The following C6orf89 variants were observed in gnomAD, a reference collection of about 807,000 sequenced individuals.
C6orf89 encodes bombesin receptor-activated protein C6orf89.
Under a neutral mutation model 40.7 loss-of-function variants are expected in C6orf89, and 29 were observed. The observed-to-expected ratio is 0.71, with a 90% CI of 0.53 to 0.97. The LOEUF is 0.97. Ranked by LOEUF, C6orf89 falls within the 50% of genes least tolerant of loss-of-function variation. C6orf89 has a pLI of 0.00. For missense variants in C6orf89, 392 were observed against 429.1 expected, an observed-to-expected ratio of 0.91 and a Z score of 0.76; for synonymous variants, 165 against 152.2, an observed-to-expected ratio of 1.08 and a Z score of -0.62.
At chr6:36,904,104 C>T (rs567757912) in intron 4 of C6orf89, among the ~76,000 whole-genome samples, 1 of 152,322 alleles carries the variant, frequency 6.6e-6, no homozygotes, top group South Asian at 2.1e-4. Flanking sequence ...CCCCTCAAAG[C>T]CTCCCTAACG....
intron 8 of C6orf89, among the ~76,000 whole-genome samples, chr6:36,921,693 A>G (rs981839971): frequency 6.7e-6 from 1 of 150,366 alleles, no homozygotes; most frequent in Admixed American, 6.6e-5. Context: ...AACACTTAAC[A>G]TGAGATCTAC....
chr6:36,923,662 C>T lies in C6orf89; in HGVS notation c.*221C>T. 1.8e-6 allele frequency: 1 copy of T among 567,818 alleles called. No homozygotes were observed. Among genetic ancestry groups the T allele is most frequent in the Non-Finnish European group, 3.3e-6 (1 of 300,804 alleles). The allele number at this position is 567,818 out of a possible 1,614,324, so 35.2% of individuals were successfully genotyped here. A position where few individuals can be genotyped will look rare whatever the true frequency, so the allele number is the denominator to read the frequency against. On this transcript the variant is annotated 3_prime_UTR_variant, in exon 9 of 9. Transcript: ENST00000480824. ...GCTCAGGAAGGATTCAGCCTGGCCACTTGGCTAGGACTCTGCCAGCACCCA... is the reference window on the plus strand; with the variant it reads ...GCTCAGGAAGGATTCAGCCTGGCCATTTGGCTAGGACTCTGCCAGCACCCA...
intron 8 of C6orf89, 43 bp from the exon 9 acceptor site, chr6:36,923,304 C>T (rs893887108): frequency 6.6e-7 from 1 of 1,515,088 alleles, no homozygotes; most frequent in Non-Finnish European, 9.1e-7. Context: ...GTGTGCCCAC[C>T]CTCTGACATT....
rs1774598930 is a variant in C6orf89 at position 36,874,631 on chromosome 6, G to A, written c.-628+2664G>A. 14 of 1,547,078 alleles carry A rather than the reference G, an allele frequency of 9.0e-6. No individual in the cohort carries two copies. The Middle Eastern group carries it at 6.9e-4, about 76-fold the overall frequency. On this transcript the variant is annotated intron_variant, in intron 1 of 9. Transcript: ENST00000359359. The stretch of plus-strand genomic sequence containing the variant: ...CCCTCCACGTGGAGGCCGGCCTCCC[G>A]GAGGAACGCGCCAGGAACGCAGACC...
At chr6:36,874,585 G>C (rs1317491106) in intron 1 of C6orf89, 7 of 1,257,362 alleles carry the variant, frequency 5.6e-6, no homozygotes, top group Non-Finnish European at 7.9e-6. Context: ...TCTGGGGGCC[G>C]TCTCGGCCGC....
At chr6:36,906,728 C>G (rs1212447183) in intron 4 of C6orf89, among the ~76,000 whole-genome samples, 1 of 152,118 alleles carries the variant, frequency 6.6e-6, no homozygotes, top group Non-Finnish European at 1.5e-5. Context: ...TGGCAGAAGC[C>G]TCCTTCATTG....
intron 2 of C6orf89, among the ~76,000 whole-genome samples, chr6:36,880,641 A>G (rs1174271813): frequency 6.6e-6 from 1 of 152,254 alleles, no homozygotes; most frequent in East Asian, 1.9e-4. Context: ...TAGCTTTGCT[A>G]TATGCTTCAA....
intron 8 of C6orf89, among the ~76,000 whole-genome samples, chr6:36,922,513 C>CCCA (rs965886949): frequency 1.7e-4 from 26 of 152,116 alleles, no homozygotes; most frequent in African/African-American, 6.3e-4. Context: ...TACTCATGAC[C>CCCA]CCACAGGTGG....
upstream of C6orf89, among the ~76,000 whole-genome samples, chr6:36,882,541 T>C (rs563161843): frequency 5.1e-4 from 77 of 152,322 alleles, no homozygotes; most frequent in African/African-American, 1.8e-3. Context: ...CTGGAAAAGA[T>C]AAAATAATCC....
chr6:36,886,985 C>T (rs1775016633), intron 1 of C6orf89, among the ~76,000 whole-genome samples: 1 of 152,240 alleles, frequency 6.6e-6, no homozygotes, highest in Non-Finnish European at 1.5e-5. Context: ...TGGACTGAGG[C>T]ATTTTTCAAG....
At chr6:36,916,184 A>G (rs1219345154) in intron 6 of C6orf89, among the ~76,000 whole-genome samples, 1 of 152,052 alleles carries the variant, frequency 6.6e-6, no homozygotes, top group Non-Finnish European at 1.5e-5. Flanking sequence ...CTTCCAATAT[A>G]TATTGTTTTA....
intron 1 of C6orf89, among the ~76,000 whole-genome samples, chr6:36,872,540 G>A (rs1224286121): frequency 6.6e-6 from 1 of 152,104 alleles, no homozygotes; most frequent in African/African-American, 2.4e-5. Context: ...ATAAGGAAGA[G>A]GCAAGAGAAA....
intron 2 of C6orf89, among the ~76,000 whole-genome samples, chr6:36,880,777 T>C (rs1407758563): frequency 6.6e-6 from 1 of 152,106 alleles, no homozygotes; most frequent in African/African-American, 2.4e-5. Flanking sequence ...ATAAAGAAAA[T>C]AGATTTCATT....
upstream of C6orf89, among the ~76,000 whole-genome samples, chr6:36,881,704 A>G (rs1774814242): frequency 6.6e-6 from 1 of 152,166 alleles, no homozygotes; most frequent in Admixed American, 6.5e-5. Flanking sequence ...AAACAAAACA[A>G]TTAATTATTA....
intron 7 of C6orf89, among the ~76,000 whole-genome samples, chr6:36,917,507 A>G (rs1330704072): frequency 6.6e-6 from 1 of 152,216 alleles, no homozygotes; most frequent in Non-Finnish European, 1.5e-5. Flanking sequence ...AATTAAAAGC[A>G]TGCATTTTCC....
At chr6:36,903,727 G>A (rs1001117822) in intron 4 of C6orf89, among the ~76,000 whole-genome samples, 17 of 152,036 alleles carry the variant, frequency 1.1e-4, no homozygotes, top group Non-Finnish European at 2.1e-4. Flanking sequence ...ATCATCCCTT[G>A]GATTGGGTCT....
intron 4 of C6orf89, among the ~76,000 whole-genome samples, chr6:36,907,698 T>G (rs1203659701): frequency 1.3e-5 from 2 of 152,198 alleles, no homozygotes; most frequent in Admixed American, 1.3e-4. Context: ...ATATCTGGTA[T>G]GAGGGATATC....
At position 36,924,960 on chromosome 6, in the gene C6orf89, A is replaced by G. The variant is rs539274233; in HGVS notation, c.*1519A>G. On this transcript the variant is annotated 3_prime_UTR_variant, in exon 9 of 9. Coordinates refer to ENST00000480824, the MANE Select transcript of C6orf89 (RefSeq NM_001286635.2). ...GAGCACTTGAATGGCCTGTTTGTCT[A>G]TGGGCTTGCAAAGGACAAGCAGAGT... 4.6e-5 allele frequency: 7 copies of G among 152,270 alleles called. No individual in the cohort carries two copies. Among genetic ancestry groups the G allele is most frequent in the South Asian group, 2.1e-4 (1 of 4,824 alleles). The allele number at this position is 152,270 out of a possible 1,614,324, so 9.4% of individuals were successfully genotyped here.
rs186584712 is a variant in C6orf89, at chr6:36,896,143, T to C, written c.-20+1540T>C. On this transcript the variant is annotated intron_variant, in intron 2 of 8. Coordinates refer to ENST00000480824, the MANE Select transcript of C6orf89 (RefSeq NM_001286635.2). ...CTTTTTTTGAGATGGAGTCTCACTC[T>C]GTCACCCAGGCTGGAGTGCAGTGGT... Among the ~76,000 whole-genome samples, 176 of 152,368 alleles carry C rather than the reference T, an allele frequency of 1.2e-3. 2 individuals are homozygous for C. The highest frequency in any genetic ancestry group is 3.8e-3 in the African/African-American group (160 of 41,590).
Sources: gnomAD v4.1 joint callset for allele counts (sites outside exome capture counted in the v4.1 genomes callset) on GRCh38, gnomAD v4.1.1 for gene constraint, MANE v1.5 for transcripts, NCBI Gene and HGNC (gene_info 2026-07-23, HGNC 2026-07-21) for gene names.